The following ADRA1A variants were observed in gnomAD, a reference collection of about 807,000 sequenced individuals.
The protein encoded by ADRA1A is alpha-1A adrenergic receptor.
In ADRA1A, 31 loss-of-function variants were observed where a neutral mutation model predicts 29.6. That is an observed-to-expected ratio of 1.05 (90% CI 0.79 to 1.41). ADRA1A has a LOEUF of 1.41. Among genes scored for constraint, ADRA1A ranks in the 40% most tolerant of loss-of-function variants. The pLI is 0.00. For synonymous variants in ADRA1A, 311 were observed against 254.3 expected (o/e 1.22, Z -2.12); for missense variants, 619 against 601.1 (o/e 1.03, Z -0.31).
At chr8:26,804,468 G>A (rs1035769862) in intron 2 of ADRA1A, among the ~76,000 whole-genome samples, 1 of 152,136 alleles carries the variant, frequency 6.6e-6, no homozygotes, top group African/African-American at 2.4e-5. Flanking sequence ...TCATTATCAT[G>A]AATGAAAGAA....
intron 2 of ADRA1A, chr8:26,836,295 A>G (rs1811356131): frequency 5.9e-6 from 1 of 168,592 alleles, no homozygotes; most frequent in African/African-American, 2.4e-5. Flanking sequence ...CTCAGCAAAG[A>G]CATCAACTTT....
At chr8:26,762,633 A>G (rs1253362815), downstream of ADRA1A, among the ~76,000 whole-genome samples, 4 of 152,186 alleles carry the variant, frequency 2.6e-5, no homozygotes, top group Non-Finnish European at 2.9e-5. The surrounding 1 kb of genome is among the most constrained non-coding windows in gnomAD (Gnocchi z 4.0). Flanking sequence ...ATGAAAGGGC[A>G]CAGGACCAAG....
chr8:26,859,174 A>C (rs1157063563), intron 2 of ADRA1A: 1 of 1,289,840 alleles, frequency 7.8e-7, no homozygotes, highest in African/African-American at 1.5e-5. Context: ...CTTTTCTCCA[A>C]AACAGCACGT....
intron 2 of ADRA1A, among the ~76,000 whole-genome samples, chr8:26,790,556 C>T (rs72609952): frequency 0.026 from 3,988 of 152,156 alleles, 77 homozygotes; most frequent in Admixed American, 0.061. Context: ...TATAAGATGA[C>T]TATAGTTAAA....
intron 2 of ADRA1A, among the ~76,000 whole-genome samples, chr8:26,812,649 A>G (rs1452280447): frequency 2.0e-5 from 3 of 150,194 alleles, no homozygotes; most frequent in Non-Finnish European, 4.4e-5. Context: ...TTATTTATTT[A>G]TTTATTTATT....
chr8:26,758,811 C>T (rs1251748238), intron 2 of ADRA1A, among the ~76,000 whole-genome samples: 2 of 152,188 alleles, frequency 1.3e-5, no homozygotes, highest in African/African-American at 2.4e-5. Context: ...GCAGCTCTTT[C>T]CAGTATTTCT....
intron 2 of ADRA1A, chr8:26,859,206 C>G: frequency 7.8e-7 from 1 of 1,281,828 alleles, no homozygotes; most frequent in Non-Finnish European, 1.0e-6. Context: ...ATGTATGTCC[C>G]TTGAATATAA....
At chr8:26,748,664 A>G in exon 3 of ADRA1A, 1 of 381,492 alleles carries the variant, frequency 2.6e-6, no homozygotes, top group East Asian at 9.3e-5. Flanking sequence ...GAGGCAGGAG[A>G]ATCTCTTGAA....
chr8:26,830,279 A>C (rs1810882856), intron 2 of ADRA1A, among the ~76,000 whole-genome samples: 1 of 152,208 alleles, frequency 6.6e-6, no homozygotes, highest in Non-Finnish European at 1.5e-5. Flanking sequence ...ACCTGCCCTC[A>C]AAGCTTGAAG....
downstream of ADRA1A, among the ~76,000 whole-genome samples, chr8:26,756,051 A>G (rs908678738): frequency 6.6e-6 from 1 of 152,216 alleles, no homozygotes. Context: ...TGCCATTCTT[A>G]TTTCATCTAT....
Position 26,815,482 on chromosome 8 carries a change from T to C in ADRA1A, c.884-44816A>G, listed in dbSNP as rs1327213149. On this transcript the variant is annotated intron_variant, in intron 2 of 2. Transcript: ENST00000380573. This position sits in a 1 kb window ranked among gnomAD's most constrained non-coding sequence, Gnocchi z 4.2. ...GGATTTGTTGGTCTTGACAATCAAG[T>C]GATGTGGGTTGCATAAACCACATCA... Among the ~76,000 whole-genome samples the C allele has an allele frequency of 6.6e-6, 1 of 152,182 alleles. No homozygotes were observed. Among genetic ancestry groups the C allele is most frequent in the Non-Finnish European group, 1.5e-5 (1 of 68,038 alleles).
chr8:26,849,785 G>C (rs1406142274), intron 2 of ADRA1A, among the ~76,000 whole-genome samples: 1 of 152,120 alleles, frequency 6.6e-6, no homozygotes, highest in East Asian at 1.9e-4. Context: ...CTTTAAAATG[G>C]TGATGCGGAG....
intron 2 of ADRA1A, among the ~76,000 whole-genome samples, chr8:26,794,764 A>G (rs747793024): frequency 6.6e-6 from 1 of 152,128 alleles, no homozygotes; most frequent in Non-Finnish European, 1.5e-5. Flanking sequence ...TTTATCCCTC[A>G]CTTTAAAGGG....
intron 2 of ADRA1A, among the ~76,000 whole-genome samples, chr8:26,792,930 G>A (rs907675742): frequency 9.9e-5 from 15 of 151,388 alleles, no homozygotes; most frequent in African/African-American, 3.6e-4. Context: ...AAAAAATAAA[G>A]CCTCTCACAC....
chr8:26,830,056 G>A (rs1282395782), intron 2 of ADRA1A, among the ~76,000 whole-genome samples: 1 of 152,176 alleles, frequency 6.6e-6, no homozygotes, highest in East Asian at 1.9e-4. Flanking sequence ...AGTGAGCACT[G>A]TCCTGGGCCT....
chr8:26,777,564 A>G (rs368833473), intron 2 of ADRA1A, among the ~76,000 whole-genome samples: 22 of 152,090 alleles, frequency 1.4e-4, no homozygotes, highest in Admixed American at 4.6e-4. Flanking sequence ...TTTTTCCCCT[A>G]TTTAACTGGG....
At chr8:26,785,087 T>C (rs1807275705) in intron 2 of ADRA1A, among the ~76,000 whole-genome samples, 1 of 152,182 alleles carries the variant, frequency 6.6e-6, no homozygotes, top group Non-Finnish European at 1.5e-5. Flanking sequence ...GTTTTTTGAA[T>C]GTTGAATGAA....
In ADRA1A at chr8:26,864,859, A is replaced by G; in HGVS notation, c.111T>C (p.Ile37=). Residue 37 remains isoleucine (I), a synonymous_variant, in exon 2 of 3, where the codon ATT becomes ATC. Transcript: ENST00000380573. This position sits in a 1 kb window ranked among gnomAD's most constrained non-coding sequence, Gnocchi z 8.1. ...ILLGVILGGL[I]LFGVLGNILV... is the part of the protein sequence containing the mutation. Reference sequence around the variant, plus strand: ...GGATGTTACCCAGCACCCCGAAAAGAATGAGGCCCCCCAAGATCACCCCGA... The same window carrying G: ...GGATGTTACCCAGCACCCCGAAAAGGATGAGGCCCCCCAAGATCACCCCGA... 1 of 1,613,910 alleles carries G rather than the reference A, an allele frequency of 6.2e-7. No individual in the cohort carries two copies.
In ADRA1A at chr8:26,841,928, CA is replaced by C. The variant is rs1176012884; in HGVS notation, c.883+22158del. Among the ~76,000 whole-genome samples the C allele has an allele frequency of 6.6e-6, 1 of 152,090 alleles. No homozygotes were observed. Among genetic ancestry groups the C allele is most frequent in the Non-Finnish European group, 1.5e-5 (1 of 68,032 alleles). On this transcript the variant is annotated intron_variant, in intron 2 of 2. Transcript: ENST00000380573. The surrounding 1 kb of genome is among the most constrained non-coding windows in gnomAD (Gnocchi z 4.4). The stretch of plus-strand genomic sequence containing the variant: ...TGCTGTGGTGAGTCTCCCACTTTTC[CA>C]AAACGTTGTGCAAGTTCTGCTTGTT...
Sources: allele counts gnomAD v4.1 joint callset (sites outside exome capture counted in the v4.1 genomes callset), GRCh38; gene constraint gnomAD v4.1.1; non-coding constraint Gnocchi (gnomAD v3.1); transcripts MANE v1.5; gene names NCBI Gene and HGNC (gene_info 2026-07-23, HGNC 2026-07-21).